RNF157: variants seen among roughly 807,000 people sequenced by gnomAD.
RNF157 encodes the protein E3 ubiquitin ligase RNF157.
In RNF157, 55 loss-of-function variants were observed where a neutral mutation model predicts 88.3. The ratio of observed to expected loss-of-function variants is 0.62; its 90% CI spans 0.50 to 0.78. The LOEUF is 0.78. Ranked by LOEUF, RNF157 falls within the 30% of genes least tolerant of loss-of-function variation. The pLI, the probability that RNF157 is intolerant of heterozygous loss-of-function variation, is 0.00. For missense variants in RNF157, 788 were observed against 860.8 expected (o/e 0.92, Z 1.06); for synonymous variants, 334 against 341.2 (o/e 0.98, Z 0.23).
chr17:76,210,215 A>G (rs1335763444), intron 2 of RNF157, among the ~76,000 whole-genome samples: 1 of 152,162 alleles, frequency 6.6e-6, no homozygotes, highest in Non-Finnish European at 1.5e-5. Context: ...ACTTGACATA[A>G]CTTAACTTGA....
intron 2 of RNF157, among the ~76,000 whole-genome samples, chr17:76,175,194 A>C (rs2069085090): frequency 6.6e-6 from 1 of 152,178 alleles, no homozygotes; most frequent in Admixed American, 6.5e-5. Flanking sequence ...AAAGTCCATA[A>C]TTTTGATAAC....
chr17:76,162,930 GA>G, intron 8 of RNF157: 1 of 208,118 alleles, frequency 4.8e-6, no homozygotes, highest in Non-Finnish European at 9.5e-6. Flanking sequence ...GCACAGACTA[GA>G]AAAAGGATGG....
At chr17:76,205,622 G>A (rs897275900) in intron 2 of RNF157, among the ~76,000 whole-genome samples, 4 of 151,928 alleles carry the variant, frequency 2.6e-5, no homozygotes, top group East Asian at 1.9e-4. Flanking sequence ...CTACTTGGGA[G>A]GCTGAAGCAG....
At position 76,212,444 on chromosome 17, in the gene RNF157, TCTCTC is replaced by T. The variant is rs2069818153; in HGVS notation, c.122_126del (p.Gly41GlufsTer3). ...CCTTCAGGATGAGTTGAGTCAAACT[TCTCTC>T]CTCCCATAATGAAGTGGCTGGCAAA... On this transcript the variant is annotated frameshift_variant, in exon 2 of 19. Coordinates refer to ENST00000269391, the MANE Select transcript of RNF157 (RefSeq NM_052916.3). LOFTEE classifies it high-confidence loss of function. 6.2e-7 allele frequency: 1 copy of T among 1,613,542 alleles called. No individual in the cohort carries two copies. The highest frequency in any genetic ancestry group is 8.5e-7 in the Non-Finnish European group (1 of 1,179,862).
intron 1 of RNF157, among the ~76,000 whole-genome samples, chr17:76,220,365 A>C (rs1479709740): frequency 2.0e-5 from 3 of 147,892 alleles, no homozygotes; most frequent in Non-Finnish European, 1.5e-5. Flanking sequence ...AGTCTAAGTC[A>C]ATGAGTTCGT....
At chr17:76,224,304 T>C (rs781191907) in intron 1 of RNF157, among the ~76,000 whole-genome samples, 1 of 152,240 alleles carries the variant, frequency 6.6e-6, no homozygotes, top group Non-Finnish European at 1.5e-5. Context: ...CTAAATTATG[T>C]CTGCCTCAAT....
intron 18 of RNF157, among the ~76,000 whole-genome samples, chr17:76,149,223 G>A (rs980319418): frequency 1.3e-5 from 2 of 151,920 alleles, no homozygotes; most frequent in African/African-American, 4.8e-5. Flanking sequence ...TGGTGAGGAC[G>A]GGAACCAACA....
Position 76,240,096 on chromosome 17 carries a change from A to AGACCCC in RNF157, c.88+51_88+56dup. ...GGGCCCCCTCAGGCCGTCCCGACCC[A>AGACCCC]GACCCCTGCCCCTGCCCCTCTCCCT... On this transcript the variant is annotated intron_variant, in intron 1 of 18. Transcript: ENST00000269391. The surrounding 1 kb of genome is among the most constrained non-coding windows in gnomAD (Gnocchi z 4.4). The AGACCCC allele has an allele frequency of 9.1e-7, 1 of 1,104,374 alleles. No homozygotes were observed. Among genetic ancestry groups the AGACCCC allele is most frequent in the South Asian group, 3.8e-5 (1 of 26,142 alleles). 68.4% of individuals were successfully genotyped at this position (1,104,374 alleles called of 1,614,324 possible). A position where few individuals can be genotyped will look rare whatever the true frequency, so the allele number is the denominator to read the frequency against.
chr17:76,209,702 C>A (rs754568038), intron 2 of RNF157, among the ~76,000 whole-genome samples: 3 of 152,052 alleles, frequency 2.0e-5, no homozygotes, highest in Non-Finnish European at 2.9e-5. Context: ...AGGAAAAAGA[C>A]AGAAACAGAT....
intron 2 of RNF157, among the ~76,000 whole-genome samples, chr17:76,205,738 A>C (rs1423152216): frequency 6.6e-6 from 1 of 150,592 alleles, no homozygotes; most frequent in Non-Finnish European, 1.5e-5. Flanking sequence ...TAAATAAATA[A>C]ATAAATAAAT....
intron 2 of RNF157, among the ~76,000 whole-genome samples, chr17:76,180,116 TG>T (rs1265778913): frequency 2.0e-5 from 3 of 152,250 alleles, no homozygotes; most frequent in African/African-American, 7.2e-5. Flanking sequence ...AGAAGCTTTC[TG>T]ATCTCTTACC....
chr17:76,209,824 A>C (rs1368805703), intron 2 of RNF157, among the ~76,000 whole-genome samples: 1 of 152,058 alleles, frequency 6.6e-6, no homozygotes, highest in Non-Finnish European at 1.5e-5. Context: ...CAGTGGAATG[A>C]TCTTGGCTTA....
intron 18 of RNF157, among the ~76,000 whole-genome samples, chr17:76,148,865 C>T (rs938714316): frequency 3.1e-4 from 47 of 152,198 alleles, no homozygotes; most frequent in African/African-American, 6.8e-4. Flanking sequence ...CCACTGTGCC[C>T]GGCCTATCTT....
Position 76,152,412 on chromosome 17 carries a change from CA to C in RNF157, c.1863del (p.Phe621LeufsTer6). On this transcript the variant is annotated frameshift_variant, in exon 18 of 19. Coordinates refer to ENST00000269391, the MANE Select transcript of RNF157 (RefSeq NM_052916.3). LOFTEE classifies it high-confidence loss of function. ...TCCAGTGCTTTCACGCTTGCGATGT[CA>C]AAGTCATTGTTATTGTCACACTCCA... ...LGMECDNNND[F>X]DIASVKALDN... 6.2e-7 allele frequency: 1 copy of C among 1,614,048 alleles called. No individual in the cohort carries two copies. The highest frequency in any genetic ancestry group is 8.5e-7 in the Non-Finnish European group (1 of 1,179,916).
At chr17:76,149,637 C>A (rs1243034682) in intron 18 of RNF157, among the ~76,000 whole-genome samples, 2 of 152,326 alleles carry the variant, frequency 1.3e-5, no homozygotes, top group East Asian at 3.9e-4. Context: ...GAAGCAGAGA[C>A]ACATTCTGCC....
At chr17:76,162,792 CTCTT>C (rs1484471130) in intron 8 of RNF157, 169 bp from the exon 9 acceptor site, 3 of 507,160 alleles carry the variant, frequency 5.9e-6, no homozygotes, top group Non-Finnish European at 1.0e-5. Context: ...CTTATGTTTT[CTCTT>C]TGAGAGAAGA....
chr17:76,150,865 C>T (rs1230017935), intron 18 of RNF157, among the ~76,000 whole-genome samples: 4 of 152,220 alleles, frequency 2.6e-5, no homozygotes, highest in Admixed American at 6.5e-5. Flanking sequence ...CAAGCTTGGA[C>T]GGGGTGAAGC....
chr17:76,185,158 C>CT (rs1227724102), intron 2 of RNF157, among the ~76,000 whole-genome samples: 1 of 152,196 alleles, frequency 6.6e-6, no homozygotes, highest in African/African-American at 2.4e-5. Flanking sequence ...CAGTCCCACT[C>CT]TGTCATTAAA....
At chr17:76,239,106 G>A (rs1229912073) in intron 1 of RNF157, among the ~76,000 whole-genome samples, 2 of 152,148 alleles carry the variant, frequency 1.3e-5, no homozygotes. Flanking sequence ...ACCTCATTCC[G>A]AAATCACCAA....
Sources: gnomAD v4.1 joint callset for allele counts (sites outside exome capture counted in the v4.1 genomes callset) on GRCh38, gnomAD v4.1.1 for gene constraint, Gnocchi (gnomAD v3.1) non-coding constraint, MANE v1.5 for transcripts, NCBI Gene and HGNC (gene_info 2026-07-23, HGNC 2026-07-21) for gene names.